The following DIAPH2 variants were observed in gnomAD, a reference collection of about 807,000 sequenced individuals.
DIAPH2 encodes protein diaphanous homolog 2.
Under a neutral mutation model 92.7 loss-of-function variants are expected in DIAPH2, and 35 were observed. The ratio of observed to expected loss-of-function variants is 0.38; its 90% CI spans 0.29 to 0.50. The LOEUF is 0.50. DIAPH2 is among the 20% of genes least tolerant of loss of function. DIAPH2 has a pLI of 0.94. For synonymous variants in DIAPH2, 301 were observed against 280.4 expected (o/e 1.07, Z -0.73); for missense variants, 701 against 819.5 (o/e 0.86, Z 1.77).
intron 26 of DIAPH2, among the ~76,000 whole-genome samples, chrX:97,588,996 A>ATATATATATATATAT (rs2071496603): frequency 6.3e-5 from 2 of 31,710 alleles, no homozygotes; most frequent in Non-Finnish European, 6.5e-5. Flanking sequence ...ATATTATAGA[A>ATATATATATATATAT]ATATATATAT....
rs200480605 is a variant in DIAPH2 at position 96,998,294 on chromosome X, G to GA, written c.2050+33093dup. ...CATGTCACTTATCACAAAATAAGGA[G>GA]AAAAAATACCTAAAATCTATTTCAT... On this transcript the variant is annotated intron_variant, in intron 17 of 26. Coordinates refer to ENST00000324765, the MANE Select transcript of DIAPH2 (RefSeq NM_006729.5). 4.4e-3 allele frequency among the ~76,000 whole-genome samples: 485 copies of GA among 111,162 alleles called. 4 individuals carry two copies. The South Asian group carries it at 0.077, about 18-fold the overall frequency.
chrX:96,962,922 A>T (rs2065873770), intron 16 of DIAPH2, among the ~76,000 whole-genome samples: 1 of 110,535 alleles, frequency 9.0e-6, no homozygotes, highest in Non-Finnish European at 1.9e-5. Context: ...TCATTTGTGT[A>T]TCTGCTCTAC....
intron 13 of DIAPH2, among the ~76,000 whole-genome samples, chrX:96,943,383 G>T (rs1376593229): frequency 9.0e-6 from 1 of 111,096 alleles, no homozygotes; most frequent in East Asian, 2.8e-4. Context: ...GTAAGTGAGG[G>T]TATGAACTTT....
intron 17 of DIAPH2, among the ~76,000 whole-genome samples, chrX:96,988,143 G>C (rs1490733465): frequency 9.2e-6 from 1 of 109,056 alleles, no homozygotes; most frequent in African/African-American, 3.3e-5. Flanking sequence ...GGCCTTGGGG[G>C]ATATAGCTGT....
chrX:96,719,844 G>A (rs1018743145), intron 1 of DIAPH2, among the ~76,000 whole-genome samples: 1 of 111,388 alleles, frequency 9.0e-6, no homozygotes, highest in Admixed American at 9.5e-5. Context: ...ATTTTGATAG[G>A]GATGCATCAA....
intron 1 of DIAPH2, among the ~76,000 whole-genome samples, chrX:96,734,699 A>G (rs1436440596): frequency 9.0e-6 from 1 of 111,486 alleles, no homozygotes; most frequent in Non-Finnish European, 1.9e-5. Context: ...AAAGAGTTAT[A>G]CATAGAATAG....
At chrX:97,383,500 C>T (rs983194146) in intron 24 of DIAPH2, among the ~76,000 whole-genome samples, 2 of 108,550 alleles carry the variant, frequency 1.8e-5, no homozygotes, top group African/African-American at 6.7e-5. Context: ...GTCATATTTC[C>T]TTACTATGTC....
At chrX:96,759,352 A>G (rs1359385340) in intron 4 of DIAPH2, among the ~76,000 whole-genome samples, 1 of 111,769 alleles carries the variant, frequency 8.9e-6, no homozygotes, top group Non-Finnish European at 1.9e-5. Flanking sequence ...ATGCTGAGCT[A>G]TTTAAACATA....
chrX:96,851,918 A>G (rs1036560111), intron 4 of DIAPH2, among the ~76,000 whole-genome samples: 1 of 112,237 alleles, frequency 8.9e-6, no homozygotes, highest in Non-Finnish European at 1.9e-5. Flanking sequence ...AATTGTATAT[A>G]TATTGTAAGA....
chrX:97,297,229 C>T (rs1271946408), intron 23 of DIAPH2, among the ~76,000 whole-genome samples: 1 of 107,994 alleles, frequency 9.3e-6, no homozygotes, highest in East Asian at 2.9e-4. Flanking sequence ...TAAGAGAAAC[C>T]AGAACTGTAA....
chrX:97,038,778 G>A (rs11798733), intron 17 of DIAPH2, among the ~76,000 whole-genome samples: 33,433 of 109,982 alleles, frequency 0.3, 4,478 homozygotes, highest in South Asian at 0.5. Flanking sequence ...GCCTGTTCAT[G>A]TGATTTGCCC....
intron 26 of DIAPH2, among the ~76,000 whole-genome samples, chrX:97,582,906 C>T (rs949430893): frequency 2.7e-5 from 3 of 111,220 alleles, no homozygotes; most frequent in East Asian, 2.8e-4. Flanking sequence ...CTTTCCTTCT[C>T]GCTTCATTTC....
At chrX:97,276,271 G>GAGGGACAGGGAC (rs1166261198) in intron 23 of DIAPH2, among the ~76,000 whole-genome samples, 1 of 112,078 alleles carries the variant, frequency 8.9e-6, no homozygotes. Flanking sequence ...ACCGTGGGGA[G>GAGGGACAGGGAC]AGGGACAGGG....
intron 24 of DIAPH2, among the ~76,000 whole-genome samples, chrX:97,360,600 G>T (rs1321228226): frequency 1.8e-5 from 2 of 111,793 alleles, no homozygotes; most frequent in Non-Finnish European, 1.9e-5. Context: ...CTCCAGCCCA[G>T]GCGACAGAGC....
In DIAPH2 at chrX:96,965,199, A is replaced by G. The variant is rs915617152; in HGVS notation, c.2042A>G (p.Gln681Arg). Residue 681 changes from glutamine to arginine, a missense_variant, in exon 17 of 27, where the codon CAG becomes CGG. Physicochemically the swap from Gln to Arg is conservative, Grantham distance 43. Transcript: ENST00000324765. Reference sequence around the variant, plus strand: ...AAATTGGCATTGAATTTTGCTACTCAGATAAAAGGTACATTTTTAAAAATA... The same window carrying G: ...AAATTGGCATTGAATTTTGCTACTCGGATAAAAGGTACATTTTTAAAAATA... Reference protein sequence around the residue: ...FAKLALNFATQIKVQKNAEAL... With the variant: ...FAKLALNFATRIKVQKNAEAL... 3.4e-6 allele frequency: 4 copies of G among 1,165,350 alleles called. No homozygotes were observed. The African/African-American group carries it at 7.2e-5, about 21-fold the overall frequency.
intron 17 of DIAPH2, among the ~76,000 whole-genome samples, chrX:97,041,280 A>G (rs1366498211): frequency 1.8e-5 from 2 of 111,582 alleles, no homozygotes; most frequent in Admixed American, 1.9e-4. Context: ...ACCTTTGCTG[A>G]CAGAATGGTA....
At chrX:97,178,725 C>G (rs752647233) in intron 22 of DIAPH2, among the ~76,000 whole-genome samples, 1 of 110,856 alleles carries the variant, frequency 9.0e-6, no homozygotes, top group African/African-American at 3.3e-5. Flanking sequence ...TGAATGTTCT[C>G]CAAAATTCAT....
chrX:97,316,995 A>T (rs1028464420), intron 23 of DIAPH2, among the ~76,000 whole-genome samples: 1 of 111,844 alleles, frequency 8.9e-6, no homozygotes, highest in Admixed American at 9.6e-5. Flanking sequence ...TCTAGGCAAG[A>T]TGAGAAAGCA....
rs1468205978 is a variant in DIAPH2 at position 97,559,877 on chromosome X, T to G, written c.3242-39376T>G. Among the ~76,000 whole-genome samples, 4 of 112,020 alleles carry G rather than the reference T, an allele frequency of 3.6e-5. No individual in the cohort carries two copies. The East Asian group carries it at 1.1e-3, about 31-fold the overall frequency. On this transcript the variant is annotated intron_variant, in intron 26 of 26. Coordinates refer to ENST00000324765, the MANE Select transcript of DIAPH2 (RefSeq NM_006729.5). ...TACCAGAAATTGGGATAGGTATCAC[T>G]TCATGGAAAAAGACATCATGCTTTA...
Sources: allele counts gnomAD v4.1 joint callset (sites outside exome capture counted in the v4.1 genomes callset), GRCh38; gene constraint gnomAD v4.1.1; transcripts MANE v1.5; gene names NCBI Gene and HGNC (gene_info 2026-07-23, HGNC 2026-07-21).